Variants in ARL5C observed in about 807,000 individuals in gnomAD.
ARL5C encodes the protein ARF like GTPase 5C.
A neutral mutation model predicts 20.8 loss-of-function variants in ARL5C; 21 were observed. That is an observed-to-expected ratio of 1.01 (90% CI 0.72 to 1.46). ARL5C has a LOEUF of 1.46. ARL5C is among the 40% of genes most tolerant of loss of function. ARL5C has a pLI of 0.00. For synonymous variants in ARL5C, 71 were observed against 81.6 expected (o/e 0.87, Z 0.70); for missense variants, 199 against 225.1 (o/e 0.88, Z 0.74).
At chr17:39,163,542 A>AC (rs1420600163) in intron 2 of ARL5C, among the ~76,000 whole-genome samples, 1 of 150,272 alleles carries the variant, frequency 6.7e-6, no homozygotes, top group Non-Finnish European at 1.5e-5. Context: ...ACAGGAGCAC[A>AC]CCCCCACGCC....
intron 5 of ARL5C, among the ~76,000 whole-genome samples, chr17:39,159,663 C>T (rs1307233927): frequency 6.6e-6 from 1 of 152,180 alleles, no homozygotes; most frequent in Non-Finnish European, 1.5e-5. Flanking sequence ...AAAGTAAGCT[C>T]CGTGAGGGCA....
intron 1 of ARL5C, chr17:39,165,490 G>A (rs2045458435): frequency 4.9e-6 from 3 of 609,230 alleles, no homozygotes; most frequent in South Asian, 2.0e-5. Flanking sequence ...GTTTAGCGGG[G>A]AGAAAGGAGG....
chr17:39,159,836 A>G (rs74649011), intron 5 of ARL5C, among the ~76,000 whole-genome samples: 11,255 of 152,268 alleles, frequency 0.074, 571 homozygotes, highest in Non-Finnish European at 0.12. Context: ...AAGAAACTGA[A>G]GTCAGAGTGA....
downstream of ARL5C, chr17:39,156,761 G>A (rs1597666767): frequency 9.5e-7 from 1 of 1,056,918 alleles, no homozygotes; most frequent in South Asian, 1.6e-5. Context: ...GGAGAATGGT[G>A]TCAATCTCAC....
intron 2 of ARL5C, 161 bp downstream of exon 2, chr17:39,164,918 G>A (rs749815782): frequency 3.1e-6 from 2 of 651,006 alleles, no homozygotes; most frequent in Non-Finnish European, 5.3e-6. Context: ...GCCAGACCGA[G>A]GAGCCGCAGT....
chr17:39,164,744 A>G (rs1017583844), intron 2 of ARL5C, among the ~76,000 whole-genome samples: 23 of 152,206 alleles, frequency 1.5e-4, no homozygotes, highest in African/African-American at 5.3e-4. Context: ...TAACTGGCAG[A>G]GGGGACAGGG....
At chr17:39,159,794 T>C (rs776291812) in intron 5 of ARL5C, among the ~76,000 whole-genome samples, 1 of 152,154 alleles carries the variant, frequency 6.6e-6, no homozygotes, top group African/African-American at 2.4e-5. Flanking sequence ...ACAGAAACTC[T>C]AGGAGGTATA....
chr17:39,164,879 G>T, intron 2 of ARL5C, 200 bp downstream of exon 2: 1 of 549,078 alleles, frequency 1.8e-6, no homozygotes. Context: ...GTGGGAGCTA[G>T]GGTTGCCTGT....
chr17:39,159,209 T>G (rs2045422453), intron 5 of ARL5C, among the ~76,000 whole-genome samples: 1 of 148,410 alleles, frequency 6.7e-6, no homozygotes, highest in Admixed American at 6.7e-5. Context: ...TTTTTTTTTT[T>G]TTTTTTTTTG....
intron 2 of ARL5C, 143 bp from the exon 3 acceptor site, chr17:39,163,001 C>T (rs2045442312): frequency 2.0e-6 from 2 of 985,004 alleles, no homozygotes; most frequent in Non-Finnish European, 2.9e-6. Flanking sequence ...GGAGCCAGGC[C>T]CCGTGCTGGG....
Position 39,165,865 on chromosome 17 carries a change from TGCCTA to T in ARL5C, c.-110_-106del, listed in dbSNP as rs2045461178. On this transcript the variant is annotated 5_prime_UTR_variant, in exon 1 of 6. Transcript: ENST00000269586. Reference sequence around the variant, plus strand: ...TCCCCCGGGAGGGTCTGGCAGATTTTGCCTACGAAGTTAGGGAAGCCCCACACGTC... The same window carrying T: ...TCCCCCGGGAGGGTCTGGCAGATTTTCGAAGTTAGGGAAGCCCCACACGTC... The T allele has an allele frequency of 7.1e-7, 1 of 1,404,072 alleles. No individual in the cohort carries two copies. The highest frequency in any genetic ancestry group is 9.8e-7 in the Non-Finnish European group (1 of 1,022,654). The allele number at this position is 1,404,072 out of a possible 1,614,324, so 87.0% of individuals were successfully genotyped here. A position where few individuals can be genotyped will look rare whatever the true frequency, so the allele number is the denominator to read the frequency against.
chr17:39,160,552 C>T (rs1013371556), intron 5 of ARL5C, 39 bp downstream of exon 5: 2 of 1,547,196 alleles, frequency 1.3e-6, no homozygotes, highest in Admixed American at 2.0e-5. Flanking sequence ...TCCATTGGTT[C>T]AGCCAGGCCC....
chr17:39,164,633 C>A (rs954207153), intron 2 of ARL5C, among the ~76,000 whole-genome samples: 1 of 152,088 alleles, frequency 6.6e-6, no homozygotes, highest in African/African-American at 2.4e-5. Flanking sequence ...GGGAAAGCTG[C>A]GATCGGTATT....
At chr17:39,162,435 G>A (rs1311823527) in intron 3 of ARL5C, among the ~76,000 whole-genome samples, 1 of 152,034 alleles carries the variant, frequency 6.6e-6, no homozygotes, top group Non-Finnish European at 1.5e-5. Context: ...CGAGTAGCTG[G>A]GATTACAGGT....
At chr17:39,163,373 T>TCTTTCTTTCTTTCTTTCTTC (rs2045445937) in intron 2 of ARL5C, among the ~76,000 whole-genome samples, 1 of 140,752 alleles carries the variant, frequency 7.1e-6, no homozygotes, top group Non-Finnish European at 1.5e-5. Flanking sequence ...TTTCTTTCTT[T>TCTTTCTTTCTTTCTTTCTTC]CTTTCTTTCT....
chr17:39,158,308 C>T (rs2045417191), intron 5 of ARL5C, among the ~76,000 whole-genome samples: 1 of 151,930 alleles, frequency 6.6e-6, no homozygotes, highest in Admixed American at 6.6e-5. Context: ...CTAAAGTCTC[C>T]CCTTCTTCAA....
chr17:39,159,206 T>G (rs1030039641), intron 5 of ARL5C, among the ~76,000 whole-genome samples: 2 of 148,068 alleles, frequency 1.4e-5, no homozygotes, highest in African/African-American at 5.0e-5. Flanking sequence ...GGTTTTTTTT[T>G]TTTTTTTTTT....
intron 5 of ARL5C, among the ~76,000 whole-genome samples, chr17:39,159,107 G>A (rs370339954): frequency 8.1e-5 from 10 of 122,702 alleles, no homozygotes; most frequent in African/African-American, 2.8e-4. Context: ...TCAGAGCTCA[G>A]TGCAGCCTGG....
At chr17:39,159,982 C>T (rs575286247) in intron 5 of ARL5C, among the ~76,000 whole-genome samples, 1 of 152,294 alleles carries the variant, frequency 6.6e-6, no homozygotes, top group Admixed American at 6.5e-5. Context: ...TCAGACCTAT[C>T]CTTCTCCCTT....
Sources: gnomAD v4.1 joint callset for allele counts (sites outside exome capture counted in the v4.1 genomes callset) on GRCh38, gnomAD v4.1.1 for gene constraint, MANE v1.5 for transcripts, NCBI Gene and HGNC (gene_info 2026-07-23, HGNC 2026-07-21) for gene names.